The following AHRR variants were observed in gnomAD, a reference collection of about 807,000 sequenced individuals.
AHRR encodes ahR repressor.
AHRR carries 28 observed loss-of-function variants against 44.0 expected under a neutral mutation model. That is an observed-to-expected ratio of 0.64 (90% CI 0.47 to 0.87). AHRR has a LOEUF of 0.87. Among genes scored for constraint, AHRR ranks in the 40% least tolerant of loss-of-function variants. The probability of loss-of-function intolerance (pLI) is 0.00; values close to 1 mark genes in which losing one functional copy is unlikely to be tolerated. For missense variants in AHRR, 990 were observed against 953.9 expected (o/e 1.04, Z -0.50); for synonymous variants, 434 against 407.0 (o/e 1.07, Z -0.80).
rs114711260 is a variant in AHRR, at chr5:428,927, C to T, written c.908+921C>T. 1.9e-3 allele frequency among the ~76,000 whole-genome samples: 291 copies of T among 152,318 alleles called. 1 individual carries two copies. Among genetic ancestry groups the T allele is most frequent in the Non-Finnish European group, 3.8e-3 (257 of 68,032 alleles). On this transcript the variant is annotated intron_variant, in intron 8 of 10. Coordinates refer to ENST00000684583, the MANE Select transcript of AHRR (RefSeq NM_001377236.1). ...GAGCTGACAGGCAGTGGAGCTCTGGCGGTCACGCGAGCAGTGGGGAGTGGC... is the reference window on the plus strand; with the variant it reads ...GAGCTGACAGGCAGTGGAGCTCTGGTGGTCACGCGAGCAGTGGGGAGTGGC...
intron 3 of AHRR, among the ~76,000 whole-genome samples, chr5:360,577 C>G (rs752593264): frequency 1.3e-5 from 2 of 152,232 alleles, no homozygotes; most frequent in African/African-American, 2.4e-5. Context: ...GGTGAGGGCT[C>G]AGAGAGGAGA....
chr5:435,103 G>T lies in AHRR; in HGVS notation c.*269G>T. 1 of 492,550 alleles carries T rather than the reference G, an allele frequency of 2.0e-6. No individual in the cohort carries two copies. The highest frequency in any genetic ancestry group is 3.6e-6 in the Non-Finnish European group (1 of 280,116). The allele number at this position is 492,550 out of a possible 1,614,324, so 30.5% of individuals were successfully genotyped here. ...CTCTTTGAGGAATTAAAATCTTTAG[G>T]AAAGTGATCATGGCTGGACAGCTTC... is the stretch of plus-strand genomic sequence containing the variant. On this transcript the variant is annotated 3_prime_UTR_variant, in exon 11 of 11. Transcript: ENST00000684583.
chr5:392,454 G>A (rs1390403752), intron 4 of AHRR, among the ~76,000 whole-genome samples: 23 of 149,360 alleles, frequency 1.5e-4, no homozygotes, highest in African/African-American at 3.5e-4. Context: ...GGCGCAGGGC[G>A]AGGCAGGGCC....
At position 434,725 on chromosome 5, in the gene AHRR, C is replaced by A. The variant is rs865990284; in HGVS notation, c.1985C>A (p.Ser662Ter). ...GTGGTCAAGCGGGAGCCCTTGGACT[C>A]ACCCCAGTGGGCTACTCACAGCCAG... is the stretch of plus-strand genomic sequence containing the variant. ...APVVKREPLD[S>*]PQWATHSQGM... The change falls in exon 11 of 11, where the codon TCA (serine) becomes TAA (stop). Residue 662 changes from serine to a stop codon, truncating the protein, a stop_gained. Coordinates refer to ENST00000684583, the MANE Select transcript of AHRR (RefSeq NM_001377236.1). LOFTEE classifies it low-confidence loss of function (END_TRUNC). The A allele has an allele frequency of 6.4e-7, 1 of 1,572,340 alleles. No individual in the cohort carries two copies. Among genetic ancestry groups the A allele is most frequent in the East Asian group, 2.4e-5 (1 of 42,466 alleles).
chr5:428,346 C>T (rs1424025509), intron 8 of AHRR, among the ~76,000 whole-genome samples: 2 of 152,184 alleles, frequency 1.3e-5, no homozygotes, highest in Non-Finnish European at 2.9e-5. Flanking sequence ...TCTTGGCTGC[C>T]CGCCCTTCAC....
At chr5:323,289 T>G (rs1222074567) in intron 1 of AHRR, among the ~76,000 whole-genome samples, 1 of 152,222 alleles carries the variant, frequency 6.6e-6, no homozygotes, top group Non-Finnish European at 1.5e-5. Context: ...CAAAGGAGGC[T>G]CCATCTGTTG....
At chr5:418,245 G>C (rs1735914334) in intron 5 of AHRR, among the ~76,000 whole-genome samples, 1 of 152,182 alleles carries the variant, frequency 6.6e-6, no homozygotes, top group African/African-American at 2.4e-5. Flanking sequence ...TTTTTGTACG[G>C]TTTGGATAAT....
intron 3 of AHRR, among the ~76,000 whole-genome samples, chr5:365,053 A>T (rs559411759): frequency 5.3e-4 from 80 of 152,262 alleles, no homozygotes; most frequent in African/African-American, 1.8e-3. Context: ...AGAGAGAAAT[A>T]TTTTAAATAC....
At chr5:433,694 G>GC (rs976731165) in intron 10 of AHRR, among the ~76,000 whole-genome samples, 159 bp from the exon 11 acceptor site, 4 of 152,098 alleles carry the variant, frequency 2.6e-5, no homozygotes, top group South Asian at 2.1e-4. Flanking sequence ...TGGGCTGCTG[G>GC]GGGGGTTAGA....
chr5:396,598 G>A (rs965816931), intron 4 of AHRR, among the ~76,000 whole-genome samples: 29 of 152,274 alleles, frequency 1.9e-4, no homozygotes, highest in African/African-American at 7.0e-4. Context: ...ACGTTTTACC[G>A]TCTGTTGTAG....
At chr5:385,843 T>C (rs988506984) in intron 4 of AHRR, among the ~76,000 whole-genome samples, 1 of 152,196 alleles carries the variant, frequency 6.6e-6, no homozygotes, top group African/African-American at 2.4e-5. Context: ...AGAGACTCAG[T>C]TGATGAAAAT....
Position 434,259 on chromosome 5 carries a change from A to C in AHRR, c.1519A>C (p.Met507Leu), listed in dbSNP as rs763597591. The C allele has an allele frequency of 6.2e-6, 10 of 1,601,740 alleles. No homozygotes were observed. The highest frequency in any genetic ancestry group is 8.5e-6 in the Non-Finnish European group (10 of 1,173,908). ...GCGTTTTGCCACGAGGGGCTATCCC[A>C]TGGAGGACATGAAGCTGCAAGGTGT... ...AQRFATRGYP[M>L]EDMKLQGVPM... The change falls in exon 11 of 11, where the codon ATG (methionine) becomes CTG (leucine). Residue 507 changes from methionine (M) to leucine (L), a missense_variant. By Grantham distance (15) the Met-to-Leu change is conservative. Coordinates refer to ENST00000684583, the MANE Select transcript of AHRR (RefSeq NM_001377236.1).
At chr5:376,556 G>GGCGGGGAAACACAGAAA in intron 3 of AHRR, 54 bp from the exon 4 acceptor site, 1 of 1,434,910 alleles carries the variant, frequency 7.0e-7, no homozygotes, top group Admixed American at 2.2e-5. Context: ...GAATGAAGAA[G>GGCGGGGAAACACAGAAA]AGTGGCCAGG....
chr5:404,139 C>A lies in AHRR; in HGVS notation c.352-9205C>A. On this transcript the variant is annotated intron_variant, in intron 4 of 10. Coordinates refer to ENST00000684583, the MANE Select transcript of AHRR (RefSeq NM_001377236.1). The surrounding 1 kb of genome is among the most constrained non-coding windows in gnomAD (Gnocchi z 4.1). ...TGGGGTTACCCTTCTCCGTCTCTCT[C>A]AGCCTCAGCCGTTCCTGGTGGGTCT... is the stretch of plus-strand genomic sequence containing the variant. 1 of 538,300 alleles carries A rather than the reference C, an allele frequency of 1.9e-6. No individual in the cohort carries two copies. 33.3% of individuals were successfully genotyped at this position (538,300 alleles called of 1,614,324 possible). A position where few individuals can be genotyped will look rare whatever the true frequency, so the allele number is the denominator to read the frequency against.
chr5:361,226 C>T (rs577773408), intron 3 of AHRR, among the ~76,000 whole-genome samples: 16 of 152,280 alleles, frequency 1.1e-4, no homozygotes, highest in Non-Finnish European at 2.1e-4. Flanking sequence ...GGCGACAGAG[C>T]AAGACTCCAT....
At chr5:362,838 T>C (rs1271784159) in intron 3 of AHRR, among the ~76,000 whole-genome samples, 1 of 152,228 alleles carries the variant, frequency 6.6e-6, no homozygotes, top group Non-Finnish European at 1.5e-5. Context: ...GGTGCTTGAG[T>C]TTATTCCTGA....
chr5:407,893 C>T (rs532721399), intron 4 of AHRR, among the ~76,000 whole-genome samples: 2 of 152,300 alleles, frequency 1.3e-5, no homozygotes, highest in African/African-American at 4.8e-5. Flanking sequence ...ACTATGATGT[C>T]GTCTGCAAAG....
At chr5:351,922 A>G (rs144685305) in intron 2 of AHRR, among the ~76,000 whole-genome samples, 246 of 152,344 alleles carry the variant, frequency 1.6e-3, no homozygotes, top group Non-Finnish European at 2.7e-3. Flanking sequence ...CACCTTAGAA[A>G]AATAAGGAAC....
intron 3 of AHRR, among the ~76,000 whole-genome samples, chr5:376,379 C>G (rs1403020582): frequency 6.6e-6 from 1 of 152,086 alleles, no homozygotes; most frequent in African/African-American, 2.4e-5. Flanking sequence ...CCTGGTGTCC[C>G]CCTGCCTCTC....
Sources: gnomAD v4.1 joint callset for allele counts (sites outside exome capture counted in the v4.1 genomes callset) on GRCh38, gnomAD v4.1.1 for gene constraint, Gnocchi (gnomAD v3.1) non-coding constraint, MANE v1.5 for transcripts, NCBI Gene and HGNC (gene_info 2026-07-23, HGNC 2026-07-21) for gene names.